Variants in BTD observed in about 807,000 individuals in gnomAD.
BTD encodes biotinidase.
A neutral mutation model predicts 17.7 loss-of-function variants in BTD; 13 were observed. That is an observed-to-expected ratio of 0.74 (90% CI 0.48 to 1.17). The LOEUF is 1.17. Ranked by LOEUF, BTD falls within the 50% of genes most tolerant of loss-of-function variation. BTD has a pLI of 0.00. For synonymous variants in BTD, 240 were observed against 245.2 expected, an observed-to-expected ratio of 0.98 and a Z score of 0.20; for missense variants, 674 against 650.4, an observed-to-expected ratio of 1.04 and a Z score of -0.39.
chr3:15,677,255 G>A (rs2067036797), intron 3 of BTD, among the ~76,000 whole-genome samples: 1 of 152,102 alleles, frequency 6.6e-6, no homozygotes, highest in South Asian at 2.1e-4. Flanking sequence ...TTAAGATTAA[G>A]GAAAGAGGAT....
At chr3:15,658,601 G>T (rs2065893832), downstream of BTD, among the ~76,000 whole-genome samples, 2 of 152,046 alleles carry the variant, frequency 1.3e-5, no homozygotes, top group Non-Finnish European at 2.9e-5. Context: ...ACACAGAGTG[G>T]AAGCTACCCT....
chr3:15,672,368 C>T (rs1257414139), intron 3 of BTD, among the ~76,000 whole-genome samples: 1 of 152,112 alleles, frequency 6.6e-6, no homozygotes, highest in African/African-American at 2.4e-5. Context: ...TCTCAAACTG[C>T]TGGCTTTAAG....
intron 3 of BTD, among the ~76,000 whole-genome samples, chr3:15,701,419 CG>C (rs2070595021): frequency 6.6e-6 from 1 of 152,034 alleles, no homozygotes; most frequent in Non-Finnish European, 1.5e-5. Flanking sequence ...CGGAGGTGGG[CG>C]GAACACCTGA....
intron 3 of BTD, among the ~76,000 whole-genome samples, chr3:15,682,732 T>TA (rs2067671264): frequency 6.6e-6 from 1 of 152,192 alleles, no homozygotes; most frequent in Non-Finnish European, 1.5e-5. Context: ...AATTACTAGT[T>TA]AAAGTAAAAA....
rs141781591 is a variant in BTD at position 15,672,939 on chromosome 3, C to T, written c.399+30882C>T. 2.5e-3 allele frequency among the ~76,000 whole-genome samples: 382 copies of T among 152,124 alleles called. 4 individuals are homozygous for T. The highest frequency in any genetic ancestry group is 2.7e-3 in the South Asian group (13 of 4,802). On this transcript the variant is annotated intron_variant, in intron 3 of 3. Coordinates refer to the BTD transcript ENST00000672141. ...TACAGGCACATGCCACCACACCTGGCTAATTTTTGTATTTTTAGTAGAGAC... is the reference window on the plus strand; with the variant it reads ...TACAGGCACATGCCACCACACCTGGTTAATTTTTGTATTTTTAGTAGAGAC...
intron 1 of BTD, among the ~76,000 whole-genome samples, chr3:15,626,603 C>A (rs1378154436): frequency 6.6e-6 from 1 of 151,714 alleles, no homozygotes; most frequent in African/African-American, 2.4e-5. Context: ...ATAGCAAGAC[C>A]CCATCTCTAC....
At chr3:15,706,504 G>T (rs1390119554) in intron 3 of BTD, among the ~76,000 whole-genome samples, 14 of 152,114 alleles carry the variant, frequency 9.2e-5, no homozygotes, top group South Asian at 2.1e-4. Context: ...GGACATTTGG[G>T]GTGGTTCCAA....
chr3:15,642,024 A>C lies in BTD; in HGVS notation c.366A>C (p.Pro122=). The change falls in exon 3 of 4, where the codon CCA becomes CCC. Residue 122 remains proline (P), a synonymous_variant. Coordinates refer to ENST00000643237, the MANE Select transcript of BTD (RefSeq NM_001370658.1). ...CTCCCCAGGTGGTCAGGTGGAACCCATGCCTGGAGCCTCACCGCTTCAATG... is the reference window on the plus strand; with the variant it reads ...CTCCCCAGGTGGTCAGGTGGAACCCCTGCCTGGAGCCTCACCGCTTCAATG... ...MPSPQVVRWN[P]CLEPHRFNDT... The C allele has an allele frequency of 6.2e-7, 1 of 1,614,176 alleles. No individual in the cohort carries two copies.
intron 4 of BTD, chr3:15,720,871 C>A: frequency 6.4e-6 from 10 of 1,554,572 alleles, no homozygotes; most frequent in Non-Finnish European, 7.9e-6. Flanking sequence ...GTTGTTTTAA[C>A]AGTGACATAT....
chr3:15,602,426 C>G, intron 1 of BTD: 1 of 606,056 alleles, frequency 1.7e-6, no homozygotes, highest in Non-Finnish European at 2.1e-6. Flanking sequence ...GGGTCCCTAC[C>G]TACAACCAGC....
In BTD at chr3:15,635,277, T is replaced by TA; in HGVS notation, c.-16-146dup. The stretch of plus-strand genomic sequence containing the variant: ...GTTTGGAGAGAAACACATACTCTTT[T>TA]ATTAGGAACATGAAACAAACTCTTT... On this transcript the variant is annotated intron_variant, in intron 1 of 3. Coordinates refer to ENST00000643237, the MANE Select transcript of BTD (RefSeq NM_001370658.1). This position sits in a 1 kb window ranked among gnomAD's most constrained non-coding sequence, Gnocchi z 4.1. 1 of 1,236,262 alleles carries TA rather than the reference T, an allele frequency of 8.1e-7. No homozygotes were observed. Among genetic ancestry groups the TA allele is most frequent in the Non-Finnish European group, 1.2e-6 (1 of 854,260 alleles). The allele number at this position is 1,236,262 out of a possible 1,614,324, so 76.6% of individuals were successfully genotyped here.
At chr3:15,663,857 C>T (rs1372064483) in intron 3 of BTD, among the ~76,000 whole-genome samples, 2 of 152,088 alleles carry the variant, frequency 1.3e-5, no homozygotes, top group African/African-American at 4.8e-5. Context: ...ATTTATTTTG[C>T]TTTTCTTTCT....
intron 4 of BTD, among the ~76,000 whole-genome samples, chr3:15,720,756 T>C (rs1393819057): frequency 6.6e-6 from 1 of 152,214 alleles, no homozygotes; most frequent in Non-Finnish European, 1.5e-5. Context: ...AGAATGTACA[T>C]ACTCTTGAGT....
At chr3:15,609,882 AT>A (rs992320090) in intron 1 of BTD, among the ~76,000 whole-genome samples, 25 of 145,626 alleles carry the variant, frequency 1.7e-4, no homozygotes, top group African/African-American at 4.5e-4. Flanking sequence ...GGTCTTCCTT[AT>A]TTTTTTTTTA....
At chr3:15,708,431 G>A (rs1167800129) in intron 3 of BTD, among the ~76,000 whole-genome samples, 1 of 152,026 alleles carries the variant, frequency 6.6e-6, no homozygotes, top group Non-Finnish European at 1.5e-5. Flanking sequence ...CCACAGTACA[G>A]AGGTAGCAAT....
chr3:15,608,956 T>C (rs150009016), intron 1 of BTD, among the ~76,000 whole-genome samples: 49 of 152,306 alleles, frequency 3.2e-4, no homozygotes, highest in Middle Eastern at 3.4e-3. Flanking sequence ...CTTTTTAATT[T>C]GTACTTTATT....
At chr3:15,613,417 A>T (rs1267216531) in intron 1 of BTD, among the ~76,000 whole-genome samples, 2 of 151,490 alleles carry the variant, frequency 1.3e-5, no homozygotes. Context: ...TGATGTTTTA[A>T]TTTTTTCTTC....
In BTD at chr3:15,698,177, C is replaced by A. The variant is rs189864246; in HGVS notation, c.400-11883C>A. Among the ~76,000 whole-genome samples the A allele has an allele frequency of 6.9e-3, 1,057 of 152,146 alleles. 14 individuals carry two copies. The highest frequency in any genetic ancestry group is 0.024 in the African/African-American group (1,010 of 41,512). The stretch of plus-strand genomic sequence containing the variant: ...CAATAGATGCAGAAAAGGCCTTCGA[C>A]AAAATTCAACAGCACTTCATGCTAA... On this transcript the variant is annotated intron_variant, in intron 3 of 3. Coordinates refer to the BTD transcript ENST00000672141.
intron 3 of BTD, among the ~76,000 whole-genome samples, chr3:15,674,940 G>T (rs2066778896): frequency 6.6e-6 from 1 of 152,042 alleles, no homozygotes; most frequent in Non-Finnish European, 1.5e-5. Context: ...TAGGGGTGAG[G>T]GGGAGAAGGC....
Sources: gnomAD v4.1 joint callset for allele counts (sites outside exome capture counted in the v4.1 genomes callset) on GRCh38, gnomAD v4.1.1 for gene constraint, Gnocchi (gnomAD v3.1) non-coding constraint, MANE v1.5 for transcripts, NCBI Gene and HGNC (gene_info 2026-07-23, HGNC 2026-07-21) for gene names.